KANK1: variants seen among roughly 807,000 people sequenced by gnomAD.
The protein encoded by KANK1 is KN motif and ankyrin repeat domain-containing protein 1.
Under a neutral mutation model 106.2 loss-of-function variants are expected in KANK1, and 109 were observed. That is an observed-to-expected ratio of 1.03 (90% CI 0.88 to 1.20). The LOEUF (loss-of-function observed/expected upper bound fraction) is 1.20, where lower values mean the gene tolerates loss of function less well. Among genes scored for constraint, KANK1 ranks in the 50% most tolerant of loss-of-function variants. KANK1 has a pLI of 0.00. For synonymous variants in KANK1, 873 were observed against 652.2 expected (o/e 1.34, Z -5.16); for missense variants, 2,399 against 1,710.7 (o/e 1.40, Z -7.10).
intron 1 of KANK1, among the ~76,000 whole-genome samples, chr9:647,332 C>G (rs944832435): frequency 6.6e-6 from 1 of 150,512 alleles, no homozygotes; most frequent in Non-Finnish European, 1.5e-5. Flanking sequence ...GTAATGATGT[C>G]TTATTCTTGG....
At chr9:568,405 A>G (rs558146497) in intron 1 of KANK1, among the ~76,000 whole-genome samples, 1 of 152,300 alleles carries the variant, frequency 6.6e-6, no homozygotes, top group East Asian at 1.9e-4. Context: ...AAATTTTTAC[A>G]GTAGTGAGGC....
At chr9:547,076 CGGA>C (rs1171845546) in intron 1 of KANK1, among the ~76,000 whole-genome samples, 1 of 152,128 alleles carries the variant, frequency 6.6e-6, no homozygotes, top group Non-Finnish European at 1.5e-5. Flanking sequence ...GGGGCTGATG[CGGA>C]GGAGGAGAAT....
At chr9:699,364 A>T (rs559941800) in intron 2 of KANK1, among the ~76,000 whole-genome samples, 2 of 152,334 alleles carry the variant, frequency 1.3e-5, no homozygotes, top group South Asian at 4.1e-4. Context: ...TTGCTGAATG[A>T]AAGAATACAT....
chr9:712,774 G>C lies in KANK1; in HGVS notation c.2008G>C (p.Asp670His). 6.2e-7 allele frequency: 1 copy of C among 1,613,850 alleles called. No individual in the cohort carries two copies. Among genetic ancestry groups the C allele is most frequent in the Non-Finnish European group, 8.5e-7 (1 of 1,179,888 alleles). ...CGTCATGGCAGTGCCTCGTACTGCA[G>C]ACCAGGACACTAGCACAGATTTGGA... ...AAVMAVPRTA[D>H]QDTSTDLEQV... Residue 670 changes from aspartate to histidine, a missense_variant, in exon 3 of 12, where the codon GAC becomes CAC. Coordinates refer to ENST00000382297, the MANE Select transcript of KANK1 (RefSeq NM_015158.5).
chr9:499,591 G>A (rs911587351), intron 3 of KANK1, among the ~76,000 whole-genome samples: 3 of 152,228 alleles, frequency 2.0e-5, no homozygotes, highest in Non-Finnish European at 4.4e-5. Context: ...CTTTTACCTT[G>A]TACTTGAAGC....
chr9:568,687 C>G (rs1398225696), intron 1 of KANK1, among the ~76,000 whole-genome samples: 1 of 152,084 alleles, frequency 6.6e-6, no homozygotes, highest in Non-Finnish European at 1.5e-5. Context: ...GAGACAAAAT[C>G]TCAATATGTT....
At chr9:554,936 AAG>A (rs1397396712) in intron 1 of KANK1, among the ~76,000 whole-genome samples, 1 of 152,220 alleles carries the variant, frequency 6.6e-6, no homozygotes, top group Non-Finnish European at 1.5e-5. Flanking sequence ...GGCAAACAGG[AAG>A]AGAGTTAGTG....
intron 3 of KANK1, among the ~76,000 whole-genome samples, chr9:499,507 C>G (rs1223353499): frequency 6.6e-5 from 10 of 152,154 alleles, no homozygotes; most frequent in Non-Finnish European, 1.5e-5. Flanking sequence ...TGCCAGCCCC[C>G]AGACCTTGGA....
chr9:735,819 C>T (rs1447205287), intron 7 of KANK1: 2 of 368,210 alleles, frequency 5.4e-6, no homozygotes, highest in Non-Finnish European at 1.2e-5. Flanking sequence ...CATGGTGAAA[C>T]CCTTTCTCTA....
rs1832168510 is a variant in KANK1 at position 731,245 on chromosome 9, A to T, written c.2984A>T (p.Gln995Leu). Reference protein sequence around the residue: ...KDSNGAKKNLQFVGINGGYET... With the variant: ...KDSNGAKKNLLFVGINGGYET... ...TCAAATGGCGCAAAAAAGAATCTTC[A>T]GTTTGTTGGCATTAATGGAGGGTAA... Residue 995 changes from glutamine (Q) to leucine (L), a missense_variant, in exon 5 of 12, where the codon CAG (glutamine) becomes CTG (leucine). Gln to Leu is a moderately radical substitution (Grantham distance 113). Coordinates refer to ENST00000382297, the MANE Select transcript of KANK1 (RefSeq NM_015158.5). 6.2e-7 allele frequency: 1 copy of T among 1,605,282 alleles called. No homozygotes were observed. Among genetic ancestry groups the T allele is most frequent in the East Asian group, 2.2e-5 (1 of 44,812 alleles).
chr9:558,789 G>A (rs1278593417), intron 1 of KANK1: 2 of 151,794 alleles, frequency 1.3e-5, no homozygotes, highest in Non-Finnish European at 2.9e-5. Flanking sequence ...GCTTCAGCTG[G>A]GTACATGTAT....
At chr9:605,237 G>A (rs1486843635) in intron 1 of KANK1, among the ~76,000 whole-genome samples, 2 of 147,398 alleles carry the variant, frequency 1.4e-5, no homozygotes, top group East Asian at 2.0e-4. Context: ...GGAGGCAGAG[G>A]TTGCAGTGAG....
intron 1 of KANK1, among the ~76,000 whole-genome samples, chr9:522,783 C>A (rs890880443): frequency 6.6e-6 from 1 of 151,652 alleles, no homozygotes; most frequent in Non-Finnish European, 1.5e-5. Flanking sequence ...TGTGTGCCTG[C>A]CTGTGCTCTC....
rs572525475 is a variant in KANK1 at position 547,459 on chromosome 9, C to T, written c.-84+42705C>T. On this transcript the variant is annotated intron_variant, in intron 1 of 11. Transcript: ENST00000382297. ...CGAGCTTGAGTATTAAGATTTGGCA[C>T]AGTGTGTGCAAGCAATGAGACTGGG... 9.8e-5 allele frequency: 14 copies of T among 143,100 alleles called. No homozygotes were observed. In the South Asian group the frequency reaches 2.4e-3, roughly 25 times the overall value. The allele number at this position is 143,100 out of a possible 1,614,324, so 8.9% of individuals were successfully genotyped here. A position where few individuals can be genotyped will look rare whatever the true frequency, so the allele number is the denominator to read the frequency against.
intron 1 of KANK1, among the ~76,000 whole-genome samples, chr9:543,593 A>G (rs898050828): frequency 2.0e-5 from 3 of 151,274 alleles, no homozygotes; most frequent in South Asian, 2.1e-4. Flanking sequence ...AAAATCCGCA[A>G]GCTTCAGAAG....
rs569397584 is a variant in KANK1, at chr9:682,608, A to T, written c.37+5599A>T. Among the ~76,000 whole-genome samples the T allele has an allele frequency of 5.3e-4, 81 of 152,182 alleles. 1 individual carries two copies. Among genetic ancestry groups the T allele is most frequent in the African/African-American group, 1.9e-3 (80 of 41,524 alleles). On this transcript the variant is annotated intron_variant, in intron 2 of 11. Coordinates refer to ENST00000382297, the MANE Select transcript of KANK1 (RefSeq NM_015158.5). ...GTTTGGATGTTTGGACTGCTTCCAC[A>T]TTTTCCCTATGGTAGATGATGTTGC...
chr9:684,532 T>A (rs2139195341), intron 2 of KANK1: 1 of 985,428 alleles, frequency 1.0e-6, no homozygotes, highest in Non-Finnish European at 1.2e-6. Context: ...CTACAAGGAT[T>A]TGAAAACTCT....
At chr9:696,019 G>A (rs1821176509) in intron 2 of KANK1, among the ~76,000 whole-genome samples, 1 of 152,170 alleles carries the variant, frequency 6.6e-6, no homozygotes, top group African/African-American at 2.4e-5. Context: ...AGGGCCAGGC[G>A]CGGTGGCTCA....
chr9:706,185 G>C (rs7855995), intron 2 of KANK1, among the ~76,000 whole-genome samples: 34,816 of 152,086 alleles, frequency 0.23, 4,334 homozygotes, highest in African/African-American at 0.27. Context: ...AATGAAACTT[G>C]AATTACAAGT....
Sources: gnomAD v4.1 joint callset for allele counts (sites outside exome capture counted in the v4.1 genomes callset) on GRCh38, gnomAD v4.1.1 for gene constraint, MANE v1.5 for transcripts, NCBI Gene and HGNC (gene_info 2026-07-23, HGNC 2026-07-21) for gene names.